BTRC: variants seen among roughly 807,000 people sequenced by gnomAD.
BTRC encodes the protein beta-transducin repeat containing E3 ubiquitin protein ligase.
In BTRC, 42 loss-of-function variants were observed where a neutral mutation model predicts 85.5. That is an observed-to-expected ratio of 0.49 (90% CI 0.38 to 0.64). The LOEUF (loss-of-function observed/expected upper bound fraction) is 0.64. Ranked by LOEUF, BTRC falls within the 30% of genes least tolerant of loss-of-function variation. BTRC has a pLI of 0.00. For missense variants in BTRC, 594 were observed against 743.5 expected (o/e 0.80, Z 2.34); for synonymous variants, 255 against 263.3 (o/e 0.97, Z 0.30).
At chr10:101,427,686 G>A (rs1944296887) in intron 1 of BTRC, among the ~76,000 whole-genome samples, 1 of 151,606 alleles carries the variant, frequency 6.6e-6, no homozygotes, top group African/African-American at 2.4e-5. Context: ...GTGCCACCAT[G>A]CCCAGCTATT....
intron 6 of BTRC, 104 bp downstream of exon 6, chr10:101,526,303 T>C (rs2062190466): frequency 1.0e-6 from 1 of 999,954 alleles, no homozygotes; most frequent in Admixed American, 2.8e-5. Context: ...TCATTTAATA[T>C]GGTGATTTTG....
At chr10:101,440,871 T>A (rs892357147) in intron 2 of BTRC, among the ~76,000 whole-genome samples, 3 of 152,228 alleles carry the variant, frequency 2.0e-5, no homozygotes, top group Non-Finnish European at 4.4e-5. Context: ...AGAGAGAAGA[T>A]AATACTTGTA....
intron 4 of BTRC, among the ~76,000 whole-genome samples, chr10:101,511,865 G>A (rs1479575178): frequency 6.6e-6 from 1 of 152,108 alleles, no homozygotes; most frequent in Non-Finnish European, 1.5e-5. Context: ...TGACCAGGCT[G>A]GTCTCGAACT....
At chr10:101,520,099 A>C (rs1398257264) in intron 4 of BTRC, among the ~76,000 whole-genome samples, 2 of 152,094 alleles carry the variant, frequency 1.3e-5, no homozygotes, top group African/African-American at 4.8e-5. Flanking sequence ...TCTTCATAGC[A>C]CTACCTACAT....
At chr10:101,527,475 G>A (rs9419925) in intron 6 of BTRC, among the ~76,000 whole-genome samples, 56,293 of 152,048 alleles carry the variant, frequency 0.37, 11,607 homozygotes, top group Middle Eastern at 0.49. Context: ...ATTGTTGGCC[G>A]GGTGGGGTGG....
intron 3 of BTRC, among the ~76,000 whole-genome samples, chr10:101,465,058 A>G (rs1017781472): frequency 1.3e-5 from 2 of 151,884 alleles, no homozygotes; most frequent in Admixed American, 6.6e-5. Context: ...TCTTTTCTCT[A>G]TTGCATATGA....
intron 4 of BTRC, among the ~76,000 whole-genome samples, chr10:101,508,563 C>T (rs946278518): frequency 1.3e-5 from 2 of 151,952 alleles, no homozygotes; most frequent in African/African-American, 4.8e-5. Flanking sequence ...CACTTCCCAC[C>T]CTACTCCAAA....
At chr10:101,457,921 TA>T (rs1338936902) in intron 2 of BTRC, among the ~76,000 whole-genome samples, 3 of 152,194 alleles carry the variant, frequency 2.0e-5, no homozygotes, top group Non-Finnish European at 4.4e-5. Flanking sequence ...TACCTAATGT[TA>T]ACATGTTACC....
At position 101,556,550 on chromosome 10, in the gene BTRC, T is replaced by A. The variant is rs2062726251; in HGVS notation, c.*3427T>A. On this transcript the variant is annotated 3_prime_UTR_variant, in exon 15 of 15. Transcript: ENST00000370187. Reference sequence around the variant, plus strand: ...TAGGGTGCAGCCTCCCTGGTCTTCCTCCACACAGTTGTTCACCAACAGACC... The same window carrying A: ...TAGGGTGCAGCCTCCCTGGTCTTCCACCACACAGTTGTTCACCAACAGACC... 6.6e-6 allele frequency: 1 copy of A among 152,244 alleles called. No homozygotes were observed. The allele number at this position is 152,244 out of a possible 1,614,324, so 9.4% of individuals were successfully genotyped here. A position where few individuals can be genotyped will look rare whatever the true frequency, so the allele number is the denominator to read the frequency against.
chr10:101,399,161 G>A (rs1943435901), intron 1 of BTRC, among the ~76,000 whole-genome samples: 1 of 151,948 alleles, frequency 6.6e-6, no homozygotes, highest in Non-Finnish European at 1.5e-5. Context: ...CACCATGTTG[G>A]CCAAGCTGGT....
intron 4 of BTRC, among the ~76,000 whole-genome samples, chr10:101,488,816 C>T (rs1946056065): frequency 6.6e-6 from 1 of 152,002 alleles, no homozygotes; most frequent in African/African-American, 2.4e-5. Flanking sequence ...CAGGTACCCA[C>T]CTGGGTACAG....
chr10:101,505,634 A>T (rs570404695), intron 4 of BTRC, among the ~76,000 whole-genome samples: 2,339 of 132,424 alleles, frequency 0.018, 34 homozygotes, highest in Non-Finnish European at 0.027. Flanking sequence ...AAATAAAAAA[A>T]AAAAAATAAT....
At chr10:101,534,437 A>G (rs1040745496) in intron 9 of BTRC, among the ~76,000 whole-genome samples, 1 of 152,150 alleles carries the variant, frequency 6.6e-6, no homozygotes, top group Non-Finnish European at 1.5e-5. Flanking sequence ...GGGCCAAATT[A>G]TTAGGTGACA....
At chr10:101,522,516 A>G (rs1227716026) in intron 5 of BTRC, among the ~76,000 whole-genome samples, 2 of 127,152 alleles carry the variant, frequency 1.6e-5, no homozygotes, top group African/African-American at 6.0e-5. Context: ...TGCCTCCCAG[A>G]TTCAAGCAAT....
chr10:101,538,321 G>A lies in BTRC; in HGVS notation c.1606G>A (p.Ala536Thr). The A allele has an allele frequency of 6.2e-7, 1 of 1,614,086 alleles. No individual in the cohort carries two copies. The highest frequency in any genetic ancestry group is 2.2e-5 in the East Asian group (1 of 44,874). ...AATTAAAGTGTGGGATCTTGTGGCTGCTTTGGACCCCCGTGCTCCTGCAGG... is the reference window on the plus strand; with the variant it reads ...AATTAAAGTGTGGGATCTTGTGGCTACTTTGGACCCCCGTGCTCCTGCAGG... ...GKIKVWDLVAALDPRAPAGTL... is the reference protein window; with the variant it reads ...GKIKVWDLVATLDPRAPAGTL... The change falls in exon 13 of 15, where the codon GCT becomes ACT. Residue 536 changes from alanine to threonine, a missense_variant. This residue lies in a region of BTRC where 373 missense variants were observed against 503.6 expected (regional missense o/e 0.74). Coordinates refer to ENST00000370187, the MANE Select transcript of BTRC (RefSeq NM_033637.4).
chr10:101,452,656 TC>T (rs1944980452), intron 2 of BTRC, among the ~76,000 whole-genome samples: 1 of 152,168 alleles, frequency 6.6e-6, no homozygotes, highest in Non-Finnish European at 1.5e-5. Context: ...TCTTTGGTTG[TC>T]CCAGAGAATG....
chr10:101,439,354 CGT>C (rs1173301716), intron 2 of BTRC, among the ~76,000 whole-genome samples: 1 of 152,150 alleles, frequency 6.6e-6, no homozygotes, highest in African/African-American at 2.4e-5. Context: ...TAAACAAGGT[CGT>C]GTTTCTGGTA....
rs1194073692 is a variant in BTRC at position 101,415,509 on chromosome 10, ATGTTATGTTATGTTATGTTATGTTATGT to A, written c.49-14834_49-14807del. Among the ~76,000 whole-genome samples, 25 of 4,422 alleles carry A rather than the reference ATGTTATGTTATGTTATGTTATGTTATGT, an allele frequency of 5.7e-3. 6 individuals carry two copies. The highest frequency in any genetic ancestry group is 6.8e-3 in the African/African-American group (25 of 3,676). 2.9% of individuals were successfully genotyped at this position (4,422 alleles called of 152,430 possible). A position where few individuals can be genotyped will look rare whatever the true frequency, so the allele number is the denominator to read the frequency against. Reference sequence around the variant, plus strand: ...ATTTTATGTTATGTTATGTTATGTTATGTTATGTTATGTTATGTTATGTTATGTTATGTTATGTTATGTTATTTTGAGA... The same window carrying A: ...ATTTTATGTTATGTTATGTTATGTTATATGTTATGTTATGTTATTTTGAGA... On this transcript the variant is annotated intron_variant, in intron 1 of 14. Transcript: ENST00000370187.
chr10:101,401,284 C>T (rs973111310), intron 1 of BTRC, among the ~76,000 whole-genome samples: 41 of 152,184 alleles, frequency 2.7e-4, no homozygotes, highest in African/African-American at 9.9e-4. Context: ...AATGAGCATT[C>T]AAAAATACAG....
Sources: gnomAD v4.1 joint callset for allele counts (sites outside exome capture counted in the v4.1 genomes callset) on GRCh38, gnomAD v4.1.1 for gene constraint, gnomAD v4.1.1 regional missense constraint, MANE v1.5 for transcripts, NCBI Gene and HGNC (gene_info 2026-07-23, HGNC 2026-07-21) for gene names.